ATXN1: variants seen among roughly 807,000 people sequenced by gnomAD.
The protein encoded by ATXN1 is ataxin-1.
A neutral mutation model predicts 56.4 loss-of-function variants in ATXN1; 8 were observed. The ratio of observed to expected loss-of-function variants is 0.14; its 90% CI spans 0.08 to 0.26. The LOEUF is 0.26. Among genes scored for constraint, ATXN1 ranks in the 10% least tolerant of loss-of-function variants. ATXN1 has a pLI of 1.00. For missense variants in ATXN1, 987 were observed against 1,106.5 expected, an observed-to-expected ratio of 0.89 and a Z score of 1.53; for synonymous variants, 514 against 494.6, an observed-to-expected ratio of 1.04 and a Z score of -0.52.
Position 16,306,941 on chromosome 6 carries a change from A to C in ATXN1, c.1918-82T>G. 6.9e-7 allele frequency: 1 copy of C among 1,442,782 alleles called. No homozygotes were observed. The highest frequency in any genetic ancestry group is 9.3e-7 in the Non-Finnish European group (1 of 1,079,162). The allele number at this position is 1,442,782 out of a possible 1,614,324, so 89.4% of individuals were successfully genotyped here. On this transcript the variant is annotated intron_variant, in intron 7 of 7. Transcript: ENST00000436367. This position sits in a 1 kb window ranked among gnomAD's most constrained non-coding sequence, Gnocchi z 5.2. ...TTTATTCTTGTTTGATTTTATGCAC[A>C]CACACAGGTATGAACTCACACAGAC... is the stretch of plus-strand genomic sequence containing the variant.
At chr6:16,546,297 T>C (rs1317567428) in intron 4 of ATXN1, among the ~76,000 whole-genome samples, 1 of 152,182 alleles carries the variant, frequency 6.6e-6, no homozygotes, top group African/African-American at 2.4e-5. Context: ...AAGTATTTCA[T>C]TAGGAACCAT....
At chr6:16,663,635 G>T (rs1047088630) in intron 2 of ATXN1, among the ~76,000 whole-genome samples, 1 of 147,898 alleles carries the variant, frequency 6.8e-6, no homozygotes, top group African/African-American at 2.5e-5. Context: ...CCAGGAGCAT[G>T]TTTTTTAATT....
intron 4 of ATXN1, among the ~76,000 whole-genome samples, chr6:16,560,645 A>G (rs1762099817): frequency 6.6e-6 from 1 of 151,942 alleles, no homozygotes; most frequent in Non-Finnish European, 1.5e-5. Context: ...AATGTCCCAG[A>G]CTCCAATGAA....
At chr6:16,734,067 A>T (rs1760054882) in intron 2 of ATXN1, among the ~76,000 whole-genome samples, 1 of 152,140 alleles carries the variant, frequency 6.6e-6, no homozygotes, top group Admixed American at 6.5e-5. Context: ...ACTCCAGCCT[A>T]GGCAACCGAC....
At chr6:16,604,431 C>T (rs750999165) in intron 3 of ATXN1, among the ~76,000 whole-genome samples, 3 of 151,554 alleles carry the variant, frequency 2.0e-5, no homozygotes, top group East Asian at 1.9e-4. Flanking sequence ...CCCAGGAGTT[C>T]GAGGCTGCAA....
chr6:16,516,916 C>T (rs1474726151), intron 5 of ATXN1, among the ~76,000 whole-genome samples: 1 of 152,224 alleles, frequency 6.6e-6, no homozygotes, highest in Non-Finnish European at 1.5e-5. Context: ...CATTTTCCTT[C>T]CTCTCATCAT....
intron 3 of ATXN1, among the ~76,000 whole-genome samples, chr6:16,656,827 G>A (rs771904317): frequency 6.9e-4 from 105 of 152,180 alleles, no homozygotes; most frequent in African/African-American, 2.2e-3. Flanking sequence ...ACACGCCTGC[G>A]CTATACGGTA....
At chr6:16,565,243 T>C (rs1208343331) in intron 4 of ATXN1, among the ~76,000 whole-genome samples, 1 of 152,184 alleles carries the variant, frequency 6.6e-6, no homozygotes, top group Non-Finnish European at 1.5e-5. Flanking sequence ...ACTGTGAGTT[T>C]TTTCTGCTTC....
intron 5 of ATXN1, among the ~76,000 whole-genome samples, chr6:16,494,349 A>G (rs975685774): frequency 2.0e-5 from 3 of 152,214 alleles, no homozygotes; most frequent in African/African-American, 7.2e-5. Context: ...GTCCTTGGAT[A>G]CCTAGCATGC....
At chr6:16,659,679 T>C (rs1758278127) in intron 2 of ATXN1, among the ~76,000 whole-genome samples, 1 of 152,218 alleles carries the variant, frequency 6.6e-6, no homozygotes, top group African/African-American at 2.4e-5. Flanking sequence ...TGACGCTTAA[T>C]GGACATAAAC....
At chr6:16,402,353 TCTC>T (rs1290818211) in intron 6 of ATXN1, among the ~76,000 whole-genome samples, 1 of 151,538 alleles carries the variant, frequency 6.6e-6, no homozygotes, top group Non-Finnish European at 1.5e-5. Context: ...TATTGACTGT[TCTC>T]CTTCCTTTTT....
intron 4 of ATXN1, among the ~76,000 whole-genome samples, chr6:16,560,018 T>G (rs932863149): frequency 6.6e-6 from 1 of 152,134 alleles, no homozygotes; most frequent in Admixed American, 6.5e-5. Context: ...CAAGACCAAG[T>G]GGATAATTCA....
chr6:16,317,580 CT>C (rs1760540672), intron 7 of ATXN1, among the ~76,000 whole-genome samples: 1 of 152,182 alleles, frequency 6.6e-6, no homozygotes, highest in African/African-American at 2.4e-5. Flanking sequence ...CCACCTCGGC[CT>C]CCCAAAGTGC....
chr6:16,416,595 T>C (rs1184789390), intron 6 of ATXN1, among the ~76,000 whole-genome samples: 3 of 152,268 alleles, frequency 2.0e-5, no homozygotes, highest in Admixed American at 2.0e-4. Flanking sequence ...GTAATTATTA[T>C]TCCTTTTATA....
At chr6:16,390,349 C>T (rs532443420) in intron 6 of ATXN1, among the ~76,000 whole-genome samples, 16 of 152,204 alleles carry the variant, frequency 1.1e-4, no homozygotes, top group Admixed American at 2.0e-4. Context: ...TGCCCTGCAT[C>T]TTGGGCCCCA....
intron 6 of ATXN1, among the ~76,000 whole-genome samples, chr6:16,438,925 T>C (rs965208715): frequency 6.6e-6 from 1 of 152,136 alleles, no homozygotes; most frequent in African/African-American, 2.4e-5. Flanking sequence ...CAATTCAAGT[T>C]GCTATTCTGG....
At chr6:16,695,795 C>T (rs963686125) in intron 2 of ATXN1, among the ~76,000 whole-genome samples, 2 of 151,938 alleles carry the variant, frequency 1.3e-5, no homozygotes, top group Non-Finnish European at 2.9e-5. Flanking sequence ...CCTGTCTTTA[C>T]AAAAAATAAA....
intron 2 of ATXN1, among the ~76,000 whole-genome samples, chr6:16,680,666 A>C (rs1246624760): frequency 6.6e-6 from 1 of 152,180 alleles, no homozygotes; most frequent in Non-Finnish European, 1.5e-5. Context: ...TGAAACAAAT[A>C]CAAGTAATGG....
intron 2 of ATXN1, among the ~76,000 whole-genome samples, chr6:16,679,043 A>C (rs1471075302): frequency 6.6e-6 from 1 of 152,216 alleles, no homozygotes; most frequent in African/African-American, 2.4e-5. Flanking sequence ...TCTCAAAAAA[A>C]AAAAAAGAAA....
Sources: allele counts gnomAD v4.1 joint callset (sites outside exome capture counted in the v4.1 genomes callset), GRCh38; gene constraint gnomAD v4.1.1; non-coding constraint Gnocchi (gnomAD v3.1); transcripts MANE v1.5; gene names NCBI Gene and HGNC (gene_info 2026-07-23, HGNC 2026-07-21).